The following OBI1 variants were observed in gnomAD, a reference collection of about 807,000 sequenced individuals.
The protein encoded by OBI1 is ORC ubiquitin ligase 1, also known as ring finger protein 219.
A neutral mutation model predicts 62.4 loss-of-function variants in OBI1; 59 were observed. The observed-to-expected ratio is 0.95, with a 90% CI of 0.77 to 1.17. The LOEUF is 1.17. Ranked by LOEUF, OBI1 falls within the 50% of genes most tolerant of loss-of-function variation. The pLI, the probability that OBI1 is intolerant of heterozygous loss-of-function variation, is 0.00. For missense variants in OBI1, 875 were observed against 830.9 expected (o/e 1.05, Z -0.65); for synonymous variants, 302 against 292.8 (o/e 1.03, Z -0.32).
At chr13:78,649,336 T>C (rs1206316546) in intron 1 of OBI1, among the ~76,000 whole-genome samples, 1 of 152,140 alleles carries the variant, frequency 6.6e-6, no homozygotes, top group Non-Finnish European at 1.5e-5. Flanking sequence ...GAATATGATA[T>C]CACAGAAGTC....
intron 1 of OBI1, among the ~76,000 whole-genome samples, chr13:78,656,623 G>C (rs1286253229): frequency 1.4e-5 from 2 of 143,978 alleles, no homozygotes; most frequent in Non-Finnish European, 1.5e-5. Flanking sequence ...TAAGTAACTT[G>C]TAAAAGGTTG....
At chr13:78,649,065 G>C (rs563574695) in intron 1 of OBI1, among the ~76,000 whole-genome samples, 2 of 152,130 alleles carry the variant, frequency 1.3e-5, no homozygotes, top group East Asian at 3.9e-4. Flanking sequence ...AGCAGATTTC[G>C]CACAAGGTAA....
At position 78,615,192 on chromosome 13, in the gene OBI1, T is replaced by C. The variant is rs994261782; in HGVS notation, c.*388A>G. The C allele has an allele frequency of 3.2e-5, 5 of 158,474 alleles. No homozygotes were observed. Among genetic ancestry groups the C allele is most frequent in the Non-Finnish European group, 5.5e-5 (4 of 72,272 alleles). The allele number at this position is 158,474 out of a possible 1,614,324, so 9.8% of individuals were successfully genotyped here. On this transcript the variant is annotated 3_prime_UTR_variant, in exon 6 of 6. Coordinates refer to ENST00000282003, the MANE Select transcript of OBI1 (RefSeq NM_024546.4). ...AAGAAATCCAAGTTCTGAAGACAAG[T>C]GGGGCTTATCAACAGGCCACTGTAT...
At chr13:78,648,303 CACACACACAG>C (rs1209643459) in intron 1 of OBI1, among the ~76,000 whole-genome samples, 6 of 147,492 alleles carry the variant, frequency 4.1e-5, no homozygotes, top group African/African-American at 1.5e-4. Flanking sequence ...CACACACACA[CACACACACAG>C]ACACACACAC....
chr13:78,655,410 C>G (rs1876671317), intron 1 of OBI1, among the ~76,000 whole-genome samples: 1 of 151,824 alleles, frequency 6.6e-6, no homozygotes, highest in South Asian at 2.1e-4. Flanking sequence ...TGGGATGGTA[C>G]CTAACTTCTT....
At chr13:78,656,820 A>G (rs374108998) in intron 1 of OBI1, among the ~76,000 whole-genome samples, 3 of 131,990 alleles carry the variant, frequency 2.3e-5, no homozygotes, top group African/African-American at 9.0e-5. Flanking sequence ...TTTTTGAGAC[A>G]AAGTCTCACT....
At chr13:78,650,211 CTGA>C (rs1400174543) in intron 1 of OBI1, among the ~76,000 whole-genome samples, 1 of 152,036 alleles carries the variant, frequency 6.6e-6, no homozygotes, top group Non-Finnish European at 1.5e-5. Context: ...GAGACAGGGA[CTGA>C]TGATAACAAA....
chr13:78,657,482 A>G (rs1174039391), intron 1 of OBI1, among the ~76,000 whole-genome samples: 1 of 152,210 alleles, frequency 6.6e-6, no homozygotes, highest in Non-Finnish European at 1.5e-5. Flanking sequence ...TTATTTTAAA[A>G]ATGGAAAAAC....
chr13:78,625,279 T>A (rs1183769417), intron 5 of OBI1, among the ~76,000 whole-genome samples: 1 of 152,086 alleles, frequency 6.6e-6, no homozygotes, highest in Non-Finnish European at 1.5e-5. Context: ...TGTAAAAGAG[T>A]GCAACTACTG....
intron 2 of OBI1, 73 bp from the exon 3 acceptor site, chr13:78,642,286 T>C (rs1876242846): frequency 1.1e-6 from 1 of 934,500 alleles, no homozygotes; most frequent in Non-Finnish European, 1.7e-6. Flanking sequence ...CTTTTTCATA[T>C]TGTTTTATAT....
rs543617449 is a variant in OBI1 at position 78,648,641 on chromosome 13, C to T, written c.73-3644G>A. Among the ~76,000 whole-genome samples, 8 of 152,228 alleles carry T rather than the reference C, an allele frequency of 5.3e-5. No homozygotes were observed. The South Asian group carries it at 1.0e-3, about 20-fold the overall frequency. ...TTAAAAGCAATCAGTAGGTCGGGCA[C>T]GGTGGCTCACTCCTGTAATTCCAGC... On this transcript the variant is annotated intron_variant, in intron 1 of 5. Transcript: ENST00000282003.
chr13:78,640,507 C>T (rs896813252), intron 3 of OBI1, among the ~76,000 whole-genome samples: 13 of 152,014 alleles, frequency 8.6e-5, no homozygotes, highest in African/African-American at 2.7e-4. Context: ...ATATGGTGGG[C>T]TGACTGTACA....
chr13:78,656,518 G>A (rs1166791451), intron 1 of OBI1, among the ~76,000 whole-genome samples: 1 of 151,830 alleles, frequency 6.6e-6, no homozygotes, highest in Non-Finnish European at 1.5e-5. Flanking sequence ...GGAGGCGGAG[G>A]TTGCGGTGAG....
At chr13:78,649,319 G>C (rs528741293) in intron 1 of OBI1, among the ~76,000 whole-genome samples, 1 of 152,304 alleles carries the variant, frequency 6.6e-6, no homozygotes, top group South Asian at 2.1e-4. Context: ...TGTGATGTAG[G>C]AAAGGAGAAT....
Position 78,616,214 on chromosome 13 carries a change from G to A in OBI1, c.1547C>T (p.Ser516Phe). 4 of 1,614,048 alleles carry A rather than the reference G, an allele frequency of 2.5e-6. No homozygotes were observed. The highest frequency in any genetic ancestry group is 3.4e-6 in the Non-Finnish European group (4 of 1,179,998). ...TGTTCTTGTCCGGTTCATTTCAAAA[G>A]AGCGAATAGAATTCAACCTTTTGGA... ...CLSKRLNSIR[S>F]FEMNRTRTSS... The change falls in exon 6 of 6, where the codon TCT becomes TTT. Residue 516 changes from serine (S) to phenylalanine (F), a missense_variant. Physicochemically the swap from Ser to Phe is radical, Grantham distance 155 (BLOSUM62 -2). Transcript: ENST00000282003.
chr13:78,655,547 A>G (rs924778898), intron 1 of OBI1, among the ~76,000 whole-genome samples: 1 of 152,168 alleles, frequency 6.6e-6, no homozygotes, highest in African/African-American at 2.4e-5. Flanking sequence ...AAGTGCAAAG[A>G]CAAAGCATTA....
At chr13:78,641,225 T>A (rs1452464499) in intron 3 of OBI1, among the ~76,000 whole-genome samples, 1 of 152,212 alleles carries the variant, frequency 6.6e-6, no homozygotes, top group Non-Finnish European at 1.5e-5. Flanking sequence ...CATTTTAGCA[T>A]TAAATGTCAC....
In OBI1 at chr13:78,635,058, G is replaced by A. The variant is rs45528232; in HGVS notation, c.638+52C>T. 1,993 of 1,089,196 alleles carry A rather than the reference G, an allele frequency of 1.8e-3. 9 individuals carry two copies. The highest frequency in any genetic ancestry group is 2.4e-3 in the Non-Finnish European group (1,779 of 734,862). The allele number at this position is 1,089,196 out of a possible 1,614,324, so 67.5% of individuals were successfully genotyped here. ...AAAAACAAACCCTCACAGCAGCCTA[G>A]TCTAAAATATTGACATAATCTGAAG... is the stretch of plus-strand genomic sequence containing the variant. On this transcript the variant is annotated intron_variant, in intron 5 of 5. Coordinates refer to ENST00000282003, the MANE Select transcript of OBI1 (RefSeq NM_024546.4).
chr13:78,650,099 G>C (rs534472529), intron 1 of OBI1, among the ~76,000 whole-genome samples: 2 of 152,296 alleles, frequency 1.3e-5, no homozygotes, highest in African/African-American at 4.8e-5. Context: ...ATTAATTAAC[G>C]TAGGTGTGTA....
Sources: gnomAD v4.1 joint callset for allele counts (sites outside exome capture counted in the v4.1 genomes callset) on GRCh38, gnomAD v4.1.1 for gene constraint, MANE v1.5 for transcripts, NCBI Gene and HGNC (gene_info 2026-07-23, HGNC 2026-07-21) for gene names.